RGS21: variants seen among roughly 807,000 people sequenced by gnomAD.
The protein encoded by RGS21 is regulator of G protein signaling 21.
RGS21 carries 19 observed loss-of-function variants against 18.7 expected under a neutral mutation model. The ratio of observed to expected loss-of-function variants is 1.01; its 90% CI spans 0.71 to 1.49. The LOEUF (loss-of-function observed/expected upper bound fraction) is 1.49, where lower values mean the gene tolerates loss of function less well. RGS21 is among the 40% of genes most tolerant of loss of function. The pLI is 0.00. For missense variants in RGS21, 194 were observed against 176.8 expected (o/e 1.10, Z -0.55); for synonymous variants, 56 against 57.8 (o/e 0.97, Z 0.14).
chr1:192,336,629 C>T (rs940883223), intron 1 of RGS21, among the ~76,000 whole-genome samples: 21 of 151,942 alleles, frequency 1.4e-4, no homozygotes, highest in Admixed American at 3.3e-4. Context: ...TTAAGAGAAA[C>T]CCATTTAACC....
At position 192,347,324 on chromosome 1, in the gene RGS21, A is replaced by G. The variant is rs753849308; in HGVS notation, c.23A>G (p.Tyr8Cys). 7.5e-6 allele frequency: 12 copies of G among 1,601,708 alleles called. 1 individual carries two copies. In the Admixed American group the frequency reaches 1.3e-4, roughly 18 times the overall value. The change falls in exon 3 of 5, where the codon TAC becomes TGC. Residue 8 changes from tyrosine to cysteine, a missense_variant. Coordinates refer to ENST00000417209, the MANE Select transcript of RGS21 (RefSeq NM_001039152.3). Reference protein sequence around the residue: MPVKCCFYRSPTAETMTW... With the variant: MPVKCCFCRSPTAETMTW... ...ATTGTCAAGGTTAGATGCTGTTTCTACAGGTCACCAACTGCGGAAACAATG... is the reference window on the plus strand; with the variant it reads ...ATTGTCAAGGTTAGATGCTGTTTCTGCAGGTCACCAACTGCGGAAACAATG...
At chr1:192,365,163 T>G (rs368841151) in intron 4 of RGS21, among the ~76,000 whole-genome samples, 2 of 151,852 alleles carry the variant, frequency 1.3e-5, no homozygotes, top group African/African-American at 4.8e-5. Context: ...CTCTTTGAAC[T>G]TCATGACTAT....
chr1:192,329,713 C>T (rs987689134), intron 1 of RGS21, among the ~76,000 whole-genome samples: 5 of 151,850 alleles, frequency 3.3e-5, no homozygotes, highest in Non-Finnish European at 5.9e-5. Flanking sequence ...ATCTTACTGC[C>T]TCAGGCAATA....
rs914894410 is a variant in RGS21, at chr1:192,354,579, C to T, written c.255+2366C>T. On this transcript the variant is annotated intron_variant, in intron 4 of 4. Coordinates refer to ENST00000417209, the MANE Select transcript of RGS21 (RefSeq NM_001039152.3). ...CTCAGTAGGCAGACTTGACAAGACTCGGTGACATATTTGAGATGGTTGGAA... is the reference window on the plus strand; with the variant it reads ...CTCAGTAGGCAGACTTGACAAGACTTGGTGACATATTTGAGATGGTTGGAA... Among the ~76,000 whole-genome samples, 6 of 151,470 alleles carry T rather than the reference C, an allele frequency of 4.0e-5. No individual in the cohort carries two copies. The East Asian group carries it at 7.7e-4, about 19-fold the overall frequency.
At chr1:192,342,154 C>G (rs1198490438) in intron 1 of RGS21, among the ~76,000 whole-genome samples, 4 of 152,000 alleles carry the variant, frequency 2.6e-5, no homozygotes, top group Non-Finnish European at 5.9e-5. Context: ...TTTCTCCCAC[C>G]TGAAAAATTG....
At chr1:192,363,285 A>T (rs1659212246) in intron 4 of RGS21, among the ~76,000 whole-genome samples, 1 of 152,136 alleles carries the variant, frequency 6.6e-6, no homozygotes, top group African/African-American at 2.4e-5. Context: ...CAATAATAAT[A>T]ATAAGCTAGC....
At chr1:192,363,788 T>A (rs548357354) in intron 4 of RGS21, among the ~76,000 whole-genome samples, 1 of 152,250 alleles carries the variant, frequency 6.6e-6, no homozygotes, top group East Asian at 1.9e-4. Flanking sequence ...AGTGGCTCTT[T>A]AGAACCTAAT....
At chr1:192,361,543 G>A (rs1024837338) in intron 4 of RGS21, among the ~76,000 whole-genome samples, 2 of 151,942 alleles carry the variant, frequency 1.3e-5, no homozygotes, top group African/African-American at 2.4e-5. Flanking sequence ...AATCAATTCC[G>A]GAATTTTATT....
chr1:192,347,971 G>GCT (rs1043919250), intron 3 of RGS21, among the ~76,000 whole-genome samples: 3 of 149,246 alleles, frequency 2.0e-5, no homozygotes, highest in Admixed American at 6.6e-5. Flanking sequence ...CCCTAGGCTC[G>GCT]CTGTGTGTGT....
At chr1:192,350,623 A>G (rs917010443) in intron 3 of RGS21, among the ~76,000 whole-genome samples, 2 of 152,192 alleles carry the variant, frequency 1.3e-5, no homozygotes, top group Non-Finnish European at 2.9e-5. Context: ...TCTGAGTGGA[A>G]AAAGTGCTGG....
At chr1:192,340,881 C>G (rs953403982) in intron 1 of RGS21, among the ~76,000 whole-genome samples, 3 of 151,960 alleles carry the variant, frequency 2.0e-5, no homozygotes, top group Non-Finnish European at 4.4e-5. Context: ...GGGGAAACCG[C>G]CCACATGATT....
At chr1:192,344,055 G>GA (rs1327503917) in intron 2 of RGS21, among the ~76,000 whole-genome samples, 1 of 151,828 alleles carries the variant, frequency 6.6e-6, no homozygotes, top group African/African-American at 2.4e-5. Flanking sequence ...TCTACCATAA[G>GA]AAATGCCCTA....
At chr1:192,355,245 A>C (rs1659095186) in intron 4 of RGS21, among the ~76,000 whole-genome samples, 1 of 151,732 alleles carries the variant, frequency 6.6e-6, no homozygotes, top group African/African-American at 2.4e-5. Context: ...GAAAAACGAG[A>C]ATGATACATG....
At chr1:192,358,659 G>C (rs1427578105) in intron 4 of RGS21, among the ~76,000 whole-genome samples, 2 of 152,014 alleles carry the variant, frequency 1.3e-5, no homozygotes, top group Admixed American at 1.3e-4. Flanking sequence ...AATGAGGAAA[G>C]GCTATCTAAT....
intron 1 of RGS21, among the ~76,000 whole-genome samples, chr1:192,328,134 A>G (rs143900112): frequency 2.6e-3 from 391 of 152,308 alleles, no homozygotes; most frequent in Non-Finnish European, 4.5e-3. Context: ...GGCCGCGTGC[A>G]TCTCTGTCAT....
In RGS21 at chr1:192,352,094, G is replaced by T; in HGVS notation, c.136G>T (p.Glu46Ter). ...ATTTCTAAAATCAGAGTTTAGTGAAGAAAATGTTGAGTTCTGGCTTGCCTG... is the reference window on the plus strand; with the variant it reads ...ATTTCTAAAATCAGAGTTTAGTGAATAAAATGTTGAGTTCTGGCTTGCCTG... ...RIFLKSEFSE[E>*]NVEFWLACED... is the part of the protein sequence containing the mutation. The change falls in exon 4 of 5, where the codon GAA becomes TAA. Residue 46 changes from glutamate (E) to a stop codon, truncating the protein, a stop_gained. Transcript: ENST00000417209. LOFTEE classifies it high-confidence loss of function. The T allele has an allele frequency of 6.2e-7, 1 of 1,605,260 alleles. No individual in the cohort carries two copies. Among genetic ancestry groups the T allele is most frequent in the Non-Finnish European group, 8.5e-7 (1 of 1,177,014 alleles).
chr1:192,366,157 A>G lies in RGS21; in HGVS notation c.*33A>G. 2 of 1,198,114 alleles carry G rather than the reference A, an allele frequency of 1.7e-6. No individual in the cohort carries two copies. The highest frequency in any genetic ancestry group is 4.7e-5 in the East Asian group (2 of 42,704). The allele number at this position is 1,198,114 out of a possible 1,614,324, so 74.2% of individuals were successfully genotyped here. On this transcript the variant is annotated 3_prime_UTR_variant, in exon 5 of 5. Coordinates refer to ENST00000417209, the MANE Select transcript of RGS21 (RefSeq NM_001039152.3). ...AAAAGTTAACTAATCACTATACTTCAGGGCTACAATATTTTAAATATACAA... is the reference window on the plus strand; with the variant it reads ...AAAAGTTAACTAATCACTATACTTCGGGGCTACAATATTTTAAATATACAA...
rs138252868 is a variant in RGS21, at chr1:192,320,046, C to G, written c.-61+2941C>G. On this transcript the variant is annotated intron_variant, in intron 1 of 4. Coordinates refer to ENST00000417209, the MANE Select transcript of RGS21 (RefSeq NM_001039152.3). The stretch of plus-strand genomic sequence containing the variant: ...ATAGCAATTAGAAGCAAAGGTCACA[C>G]AGCAATACAGATAGATCTTTTTAAA... 2.7e-3 allele frequency among the ~76,000 whole-genome samples: 407 copies of G among 152,128 alleles called. 2 individuals carry two copies. Among genetic ancestry groups the G allele is most frequent in the African/African-American group, 9.4e-3 (389 of 41,534 alleles).
At position 192,320,200 on chromosome 1, in the gene RGS21, C is replaced by T. The variant is rs969478258; in HGVS notation, c.-61+3095C>T. ...AGCTAATGGGTACTAGGCTTAATAT[C>T]TGGGTGAAATAATCTGTTCAACAAA... On this transcript the variant is annotated intron_variant, in intron 1 of 4. Transcript: ENST00000417209. Among the ~76,000 whole-genome samples, 10 of 151,980 alleles carry T rather than the reference C, an allele frequency of 6.6e-5. 1 individual carries two copies. The highest frequency in any genetic ancestry group is 1.3e-4 in the Non-Finnish European group (9 of 67,944).
Sources: gnomAD v4.1 joint callset for allele counts (sites outside exome capture counted in the v4.1 genomes callset) on GRCh38, gnomAD v4.1.1 for gene constraint, MANE v1.5 for transcripts, NCBI Gene and HGNC (gene_info 2026-07-23, HGNC 2026-07-21) for gene names.